The following RASAL2 variants were observed in gnomAD, a reference collection of about 807,000 sequenced individuals.
RASAL2 encodes RAS protein activator like 2.
Under a neutral mutation model 128.9 loss-of-function variants are expected in RASAL2, and 58 were observed. The ratio of observed to expected loss-of-function variants is 0.45; its 90% CI spans 0.36 to 0.56. The LOEUF (loss-of-function observed/expected upper bound fraction) is 0.56, where lower values mean the gene tolerates loss of function less well. RASAL2 is among the 20% of genes least tolerant of loss of function. The pLI is 0.00. For missense variants in RASAL2, 1,360 were observed against 1,601.6 expected, an observed-to-expected ratio of 0.85 and a Z score of 2.57; for synonymous variants, 561 against 580.8, an observed-to-expected ratio of 0.97 and a Z score of 0.49.
At chr1:178,179,636 A>T (rs148570103) in intron 1 of RASAL2, among the ~76,000 whole-genome samples, 2 of 152,326 alleles carry the variant, frequency 1.3e-5, no homozygotes, top group East Asian at 3.9e-4. Context: ...AAGTGATAAC[A>T]CAAGTTTTAT....
chr1:178,391,801 C>A (rs775919490), intron 4 of RASAL2, among the ~76,000 whole-genome samples: 1 of 152,032 alleles, frequency 6.6e-6, no homozygotes, highest in Non-Finnish European at 1.5e-5. Context: ...TATCTCAGAT[C>A]GTTTCTATGT....
At chr1:178,303,784 A>G (rs1245759710) in intron 3 of RASAL2, among the ~76,000 whole-genome samples, 1 of 152,140 alleles carries the variant, frequency 6.6e-6, no homozygotes, top group Non-Finnish European at 1.5e-5. Context: ...CTCGTAGAAA[A>G]TGAGCAAGAG....
intron 2 of RASAL2, among the ~76,000 whole-genome samples, chr1:178,289,463 C>T (rs879312104): frequency 6.6e-6 from 1 of 152,048 alleles, no homozygotes; most frequent in Non-Finnish European, 1.5e-5. Flanking sequence ...TATTTTATAT[C>T]TTAAAACTAC....
At chr1:178,451,771 G>A in intron 10 of RASAL2, 56 bp downstream of exon 10, 3 of 1,532,710 alleles carry the variant, frequency 2.0e-6, no homozygotes, top group Non-Finnish European at 2.6e-6. Context: ...CATCACAGTG[G>A]AACTTACATT....
At chr1:178,446,112 C>T (rs535815136) in intron 9 of RASAL2, among the ~76,000 whole-genome samples, 1 of 152,328 alleles carries the variant, frequency 6.6e-6, no homozygotes, top group East Asian at 1.9e-4. Flanking sequence ...CTGCCTTTCT[C>T]TAGAATTTTT....
chr1:178,226,091 G>C (rs1663775265), intron 1 of RASAL2, among the ~76,000 whole-genome samples: 2 of 152,170 alleles, frequency 1.3e-5, no homozygotes, highest in Non-Finnish European at 2.9e-5. Context: ...TCTATCTACA[G>C]CTTGTTATTC....
At chr1:178,225,090 G>A (rs1449840044) in intron 1 of RASAL2, among the ~76,000 whole-genome samples, 1 of 151,938 alleles carries the variant, frequency 6.6e-6, no homozygotes, top group African/African-American at 2.4e-5. Flanking sequence ...TAAGGGACAG[G>A]TCCCTTTTGT....
At chr1:178,350,831 C>T (rs1670432777) in intron 3 of RASAL2, among the ~76,000 whole-genome samples, 1 of 152,138 alleles carries the variant, frequency 6.6e-6, no homozygotes, top group Admixed American at 6.6e-5. Context: ...GAGAATCTTA[C>T]TCTGGTTGGA....
intron 11 of RASAL2, among the ~76,000 whole-genome samples, chr1:178,452,948 T>G (rs942986756): frequency 1.3e-5 from 2 of 152,028 alleles, no homozygotes; most frequent in African/African-American, 4.8e-5. Flanking sequence ...AAAAATACTT[T>G]AGTGGGAAAA....
At chr1:178,304,829 G>C (rs1667919851) in intron 3 of RASAL2, among the ~76,000 whole-genome samples, 1 of 152,108 alleles carries the variant, frequency 6.6e-6, no homozygotes, top group Non-Finnish European at 1.5e-5. Context: ...AGGAAATAAA[G>C]GGCATCCAAA....
intron 9 of RASAL2, among the ~76,000 whole-genome samples, chr1:178,448,040 T>C (rs1677133936): frequency 6.6e-6 from 1 of 152,116 alleles, no homozygotes; most frequent in East Asian, 1.9e-4. Flanking sequence ...TGTTGGAAAT[T>C]TGAGACTAAT....
At chr1:178,280,134 AT>A (rs549491951) in intron 1 of RASAL2, among the ~76,000 whole-genome samples, 148 of 152,298 alleles carry the variant, frequency 9.7e-4, no homozygotes, top group African/African-American at 3.4e-3. Flanking sequence ...CAGGTTTGGT[AT>A]AGTATTAACG....
chr1:178,389,618 G>T (rs1375420281), intron 3 of RASAL2, among the ~76,000 whole-genome samples: 1 of 152,122 alleles, frequency 6.6e-6, no homozygotes, highest in East Asian at 1.9e-4. Flanking sequence ...TCTTCTCATG[G>T]CCCTTTTGTT....
chr1:178,385,092 T>G (rs149394801), intron 3 of RASAL2, among the ~76,000 whole-genome samples: 1 of 152,252 alleles, frequency 6.6e-6, no homozygotes, highest in Non-Finnish European at 1.5e-5. Context: ...CATTTCACTT[T>G]ACTCTCTTTC....
chr1:178,137,336 T>G (rs1420546484), intron 1 of RASAL2, among the ~76,000 whole-genome samples: 1 of 152,230 alleles, frequency 6.6e-6, no homozygotes, highest in Non-Finnish European at 1.5e-5. Context: ...CTGTTTTGCT[T>G]CTGCTCGCAG....
At chr1:178,277,346 A>G (rs926463221) in intron 1 of RASAL2, among the ~76,000 whole-genome samples, 1 of 152,142 alleles carries the variant, frequency 6.6e-6, no homozygotes. Flanking sequence ...TTTTGTAGAG[A>G]TGAGGTCTCA....
chr1:178,341,660 G>T lies in RASAL2; in HGVS notation c.457+41542G>T, dbSNP rs1669889518. 5.0e-6 allele frequency: 8 copies of T among 1,611,734 alleles called. No homozygotes were observed. The East Asian group carries it at 1.8e-4, about 36-fold the overall frequency. On this transcript the variant is annotated intron_variant, in intron 3 of 17. Transcript: ENST00000367649. ...AAATGAAAAGTCACGTATTTAAGGG[G>T]AATGTGGCTTTTTAAAAATTACACA...
At chr1:178,192,437 T>C (rs1327713271) in intron 1 of RASAL2, among the ~76,000 whole-genome samples, 2 of 152,230 alleles carry the variant, frequency 1.3e-5, no homozygotes, top group Non-Finnish European at 2.9e-5. Context: ...AAATTAAAAG[T>C]GTTCAAATAC....
chr1:178,315,680 C>G (rs1668475328), intron 3 of RASAL2, among the ~76,000 whole-genome samples: 1 of 145,972 alleles, frequency 6.9e-6, no homozygotes, highest in Non-Finnish European at 1.5e-5. Context: ...ACTGTAGATT[C>G]TGGATATTAG....
Sources: gnomAD v4.1 joint callset for allele counts (sites outside exome capture counted in the v4.1 genomes callset) on GRCh38, gnomAD v4.1.1 for gene constraint, MANE v1.5 for transcripts, NCBI Gene and HGNC (gene_info 2026-07-23, HGNC 2026-07-21) for gene names.